Variants in ITGA2 observed in about 807,000 individuals in gnomAD.
ITGA2 encodes the protein integrin subunit alpha 2.
Under a neutral mutation model 146.3 loss-of-function variants are expected in ITGA2, and 101 were observed. That is an observed-to-expected ratio of 0.69 (90% confidence interval 0.59 to 0.81). The LOEUF is 0.81. ITGA2 is among the 40% of genes least tolerant of loss of function. ITGA2 has a pLI of 0.00. For missense variants in ITGA2, 1,281 were observed against 1,402.7 expected, an observed-to-expected ratio of 0.91 and a Z score of 1.39; for synonymous variants, 477 against 487.1, an observed-to-expected ratio of 0.98 and a Z score of 0.27.
At chr5:53,062,060 G>A (rs933253953) in intron 12 of ITGA2, among the ~76,000 whole-genome samples, 2 of 151,808 alleles carry the variant, frequency 1.3e-5, no homozygotes, top group African/African-American at 4.8e-5. Context: ...ATTGAACGTT[G>A]TTGAATGGGA....
intron 10 of ITGA2, among the ~76,000 whole-genome samples, chr5:53,059,090 TAAGA>T (rs1221779129): frequency 6.6e-6 from 1 of 151,936 alleles, no homozygotes; most frequent in Non-Finnish European, 1.5e-5. Context: ...TGGTACGCTC[TAAGA>T]TAGAAGAACA....
At chr5:53,033,262 C>T (rs1369511865) in intron 2 of ITGA2, among the ~76,000 whole-genome samples, 1 of 129,992 alleles carries the variant, frequency 7.7e-6, no homozygotes, top group Non-Finnish European at 1.7e-5. Context: ...GAGGGAGATT[C>T]CATCTCAAAA....
At chr5:53,046,211 A>G (rs12657980) in intron 4 of ITGA2, among the ~76,000 whole-genome samples, 39,430 of 147,456 alleles carry the variant, frequency 0.27, 5,541 homozygotes, top group Admixed American at 0.32. Context: ...AAAAAAAAAA[A>G]AAAAGAAAAA....
chr5:53,024,799 G>A (rs887580147), intron 1 of ITGA2, among the ~76,000 whole-genome samples: 2 of 152,208 alleles, frequency 1.3e-5, no homozygotes, highest in African/African-American at 4.8e-5. Flanking sequence ...GAGGACGAGA[G>A]TGGTCGGAAG....
At position 53,072,629 on chromosome 5, in the gene ITGA2, A is replaced by G. The variant is rs1399207777; in HGVS notation, c.2363A>G (p.Asp788Gly). The G allele has an allele frequency of 1.9e-6, 3 of 1,610,612 alleles. No individual in the cohort carries two copies. Among genetic ancestry groups the G allele is most frequent in the Non-Finnish European group, 2.5e-6 (3 of 1,178,266 alleles). The change falls in exon 19 of 30, where the codon GAC (aspartate) becomes GGC (glycine). Residue 788 changes from aspartate to glycine, a missense_variant. Physicochemically the swap from Asp to Gly is moderately conservative, Grantham distance 94. Coordinates refer to ENST00000296585, the MANE Select transcript of ITGA2 (RefSeq NM_002203.4). Reference sequence around the variant, plus strand: ...TTTTCGTAGATTCCTTTCCACAAAGACTGTGGTGAGGACGGACTTTGCATT... The same window carrying G: ...TTTTCGTAGATTCCTTTCCACAAAGGCTGTGGTGAGGACGGACTTTGCATT... ...AKVFSIPFHKDCGEDGLCISD... is the reference protein window; with the variant it reads ...AKVFSIPFHKGCGEDGLCISD...
chr5:53,057,337 AGT>A (rs1456842707), intron 9 of ITGA2, among the ~76,000 whole-genome samples: 2 of 152,030 alleles, frequency 1.3e-5, no homozygotes, highest in African/African-American at 4.8e-5. Context: ...TCTATATTAA[AGT>A]GTGAGTCCAG....
chr5:53,090,473 A>T lies in ITGA2; in HGVS notation c.3466-46A>T, dbSNP rs777599953. On this transcript the variant is annotated intron_variant, in intron 29 of 29. Coordinates refer to ENST00000296585, the MANE Select transcript of ITGA2 (RefSeq NM_002203.4). ...GCCAAGGGGGTCAGAGGCACCTTACAAAATAAGCCACGGGTGGTAACATTC... is the reference window on the plus strand; with the variant it reads ...GCCAAGGGGGTCAGAGGCACCTTACTAAATAAGCCACGGGTGGTAACATTC... 6.4e-6 allele frequency: 10 copies of T among 1,574,434 alleles called. No individual in the cohort carries two copies. In the Admixed American group the frequency reaches 1.3e-4, roughly 21 times the overall value.
chr5:53,063,767 A>G (rs1335619624), intron 13 of ITGA2, among the ~76,000 whole-genome samples: 1 of 151,952 alleles, frequency 6.6e-6, no homozygotes, highest in Non-Finnish European at 1.5e-5. Flanking sequence ...AAGCAATTAT[A>G]CATATAAAGA....
At chr5:53,005,150 C>T (rs1741775163) in intron 1 of ITGA2, among the ~76,000 whole-genome samples, 1 of 151,774 alleles carries the variant, frequency 6.6e-6, no homozygotes, top group Admixed American at 6.6e-5. Context: ...GTCTGAGTAA[C>T]CCCACTTCCT....
chr5:53,000,490 T>C (rs1245301022), intron 1 of ITGA2, among the ~76,000 whole-genome samples: 1 of 152,176 alleles, frequency 6.6e-6, no homozygotes, highest in Non-Finnish European at 1.5e-5. Flanking sequence ...TAATTCTTTA[T>C]GTTTCTTACT....
At chr5:53,037,590 C>A (rs989073) in intron 2 of ITGA2, among the ~76,000 whole-genome samples, 47,739 of 151,942 alleles carry the variant, frequency 0.31, 7,569 homozygotes, top group Admixed American at 0.38. Context: ...TGGTGATGTC[C>A]TAGCCTCTTC....
chr5:53,023,679 A>G (rs1321879851), intron 1 of ITGA2, among the ~76,000 whole-genome samples: 1 of 152,216 alleles, frequency 6.6e-6, no homozygotes, highest in Admixed American at 6.5e-5. Flanking sequence ...GTTTGGAGGA[A>G]GGAAACAAGA....
At chr5:53,078,388 A>G (rs1745756755) in intron 23 of ITGA2, among the ~76,000 whole-genome samples, 1 of 152,116 alleles carries the variant, frequency 6.6e-6, no homozygotes, top group Non-Finnish European at 1.5e-5. Context: ...TTATAAATCC[A>G]TTCATTCAAC....
intron 13 of ITGA2, 84 bp from the exon 14 acceptor site, chr5:53,064,828 A>C (rs139704993): frequency 3.0e-6 from 4 of 1,324,580 alleles, no homozygotes; most frequent in Middle Eastern, 1.8e-4. Context: ...TACAGGCATG[A>C]GCCACCACAC....
At chr5:53,088,703 A>AAAG (rs1740254306) in intron 28 of ITGA2, among the ~76,000 whole-genome samples, 4 of 151,598 alleles carry the variant, frequency 2.6e-5, no homozygotes, top group African/African-American at 7.3e-5. Flanking sequence ...AAAAAAAAAA[A>AAAG]AGTAAAGAGA....
At position 52,989,354 on chromosome 5, in the gene ITGA2, A is replaced by G. The variant is rs1476087707; in HGVS notation, c.-115A>G. On this transcript the variant is annotated 5_prime_UTR_variant, in exon 1 of 30. Transcript: ENST00000296585. ...TCCCTGCTCTCACCGGGCGGGGGAG[A>G]GAAGCCCTCTGGACAGCTTCTAGAG... 3 of 1,106,970 alleles carry G rather than the reference A, an allele frequency of 2.7e-6. No individual in the cohort carries two copies. Among genetic ancestry groups the G allele is most frequent in the Non-Finnish European group, 4.1e-6 (3 of 728,280 alleles). The allele number at this position is 1,106,970 out of a possible 1,614,324, so 68.6% of individuals were successfully genotyped here.
chr5:53,075,195 T>G, intron 22 of ITGA2, 26 bp from the exon 23 acceptor site: 1 of 1,609,214 alleles, frequency 6.2e-7, no homozygotes, highest in Non-Finnish European at 8.5e-7. Context: ...TCTCTTTAAG[T>G]AATTTCCTAA....
At chr5:53,047,653 A>G (rs574878958) in intron 4 of ITGA2, among the ~76,000 whole-genome samples, 4 of 152,310 alleles carry the variant, frequency 2.6e-5, no homozygotes, top group South Asian at 2.1e-4. Flanking sequence ...GAATCTGGCA[A>G]CACAACCTAT....
At chr5:53,020,984 C>T (rs548450036) in intron 1 of ITGA2, among the ~76,000 whole-genome samples, 3 of 152,042 alleles carry the variant, frequency 2.0e-5, no homozygotes, top group Non-Finnish European at 2.9e-5. Flanking sequence ...CATGAGCCAC[C>T]GTGCCGGCCT....
Sources: gnomAD v4.1 joint callset for allele counts (sites outside exome capture counted in the v4.1 genomes callset) on GRCh38, gnomAD v4.1.1 for gene constraint, MANE v1.5 for transcripts, NCBI Gene and HGNC (gene_info 2026-07-23, HGNC 2026-07-21) for gene names.